CSN3: variants seen among roughly 807,000 people sequenced by gnomAD.
CSN3 encodes kappa-casein.
Under a neutral mutation model 9.9 loss-of-function variants are expected in CSN3, and 7 were observed. The ratio of observed to expected loss-of-function variants is 0.71; its 90% CI spans 0.40 to 1.33. The LOEUF (loss-of-function observed/expected upper bound fraction) is 1.33, where lower values mean the gene tolerates loss of function less well. CSN3 is among the 40% of genes most tolerant of loss of function. The pLI, the probability that CSN3 is intolerant of heterozygous loss-of-function variation, is 0.01. For missense variants in CSN3, 253 were observed against 227.9 expected, an observed-to-expected ratio of 1.11 and a Z score of -0.71; for synonymous variants, 88 against 82.3, an observed-to-expected ratio of 1.07 and a Z score of -0.37.
At chr4:70,249,268 A>G in exon 4 of CSN3, 1 of 1,614,104 alleles carries the variant, frequency 6.2e-7, no homozygotes, top group Non-Finnish European at 8.5e-7. Context: ...ATTTATTGCC[A>G]TCCCCCCAAA....
chr4:70,244,855 A>C, exon 2 of CSN3: 1 of 1,569,876 alleles, frequency 6.4e-7, no homozygotes, highest in Non-Finnish European at 8.6e-7. Flanking sequence ...ATGCCCTGGC[A>C]TTAACCCTGC....
chr4:70,247,696 T>A lies in CSN3; in HGVS notation c.55-122T>A. 5 of 852,390 alleles carry A rather than the reference T, an allele frequency of 5.9e-6. No individual in the cohort carries two copies. The South Asian group carries it at 8.6e-5, about 15-fold the overall frequency. 52.8% of individuals were successfully genotyped at this position (852,390 alleles called of 1,614,324 possible). ...CTCATAGATCACTCATGAAAAATGT[T>A]TTAAAAAATAAAAAGAAAACATATT... On this transcript the variant is annotated intron_variant, in intron 2 of 4. Coordinates refer to ENST00000304954, the Ensembl canonical transcript of CSN3.
chr4:70,243,509 T>G (rs1232409259), intron 1 of CSN3, among the ~76,000 whole-genome samples: 1 of 152,068 alleles, frequency 6.6e-6, no homozygotes, highest in Non-Finnish European at 1.5e-5. Flanking sequence ...GCCTTCCTAA[T>G]CATTATTGCC....
chr4:70,242,973 C>T (rs1444721060), intron 1 of CSN3, among the ~76,000 whole-genome samples: 1 of 152,092 alleles, frequency 6.6e-6, no homozygotes, highest in Non-Finnish European at 1.5e-5. Context: ...TGAGAGTTAA[C>T]TCCACAGGAA....
upstream of CSN3, among the ~76,000 whole-genome samples, chr4:70,239,319 C>G (rs1730228535): frequency 6.6e-6 from 1 of 151,802 alleles, no homozygotes; most frequent in South Asian, 2.1e-4. Flanking sequence ...GAATATCTAA[C>G]AGCTACCACT....
intron 1 of CSN3, among the ~76,000 whole-genome samples, chr4:70,243,836 A>G (rs572798041): frequency 1.7e-4 from 26 of 152,236 alleles, no homozygotes; most frequent in African/African-American, 6.0e-4. Context: ...TTTTAGTCAA[A>G]GCCACTGTAA....
At chr4:70,238,965 T>C (rs151030653), upstream of CSN3, among the ~76,000 whole-genome samples, 2 of 151,944 alleles carry the variant, frequency 1.3e-5, no homozygotes, top group African/African-American at 4.8e-5. Context: ...GATGTCTATT[T>C]TACGTGCAAA....
At chr4:70,244,949 C>A in intron 2 of CSN3, 76 bp downstream of exon 2, 1 of 759,894 alleles carries the variant, frequency 1.3e-6, no homozygotes, top group Non-Finnish European at 2.1e-6. Flanking sequence ...ATGCAAACTT[C>A]TAAATACAAT....
intron 1 of CSN3, 106 bp from the exon 2 acceptor site, chr4:70,244,705 GT>G (rs1292254106): frequency 2.0e-6 from 1 of 506,146 alleles, no homozygotes; most frequent in African/African-American, 2.0e-5. Flanking sequence ...AAATCTACCT[GT>G]AAATCTGGCT....
At chr4:70,246,433 G>A (rs1461525950) in intron 2 of CSN3, among the ~76,000 whole-genome samples, 2 of 151,776 alleles carry the variant, frequency 1.3e-5, no homozygotes, top group African/African-American at 2.4e-5. Context: ...AATAGATAAC[G>A]ATAAGAAATA....
upstream of CSN3, among the ~76,000 whole-genome samples, chr4:70,239,880 A>G (rs1009011430): frequency 5.9e-5 from 9 of 152,008 alleles, no homozygotes; most frequent in African/African-American, 2.2e-4. Context: ...TACATATAGC[A>G]AAGACTTTTG....
At chr4:70,242,981 G>A (rs924880750) in intron 1 of CSN3, among the ~76,000 whole-genome samples, 21 of 152,196 alleles carry the variant, frequency 1.4e-4, no homozygotes, top group African/African-American at 5.1e-4. Flanking sequence ...AACTCCACAG[G>A]AAGTTGGGCT....
chr4:70,243,703 A>G (rs1730316284), intron 1 of CSN3, among the ~76,000 whole-genome samples: 1 of 152,118 alleles, frequency 6.6e-6, no homozygotes, highest in Non-Finnish European at 1.5e-5. Flanking sequence ...ATACTTAAAT[A>G]TAAAAAGTTT....
exon 4 of CSN3, chr4:70,249,132 A>G (rs770034683): frequency 6.2e-7 from 1 of 1,613,998 alleles, no homozygotes; most frequent in Non-Finnish European, 8.5e-7. Flanking sequence ...TTAATAATCC[A>G]TATGTGCCTC....
At chr4:70,238,890 G>T (rs914199530), upstream of CSN3, among the ~76,000 whole-genome samples, 1 of 151,816 alleles carries the variant, frequency 6.6e-6, no homozygotes, top group African/African-American at 2.4e-5. Flanking sequence ...GACTAGTGGA[G>T]AACTAGTCGT....
At position 70,249,727 on chromosome 4, in the gene CSN3, A is replaced by G. The variant is rs116485404; in HGVS notation, c.*34+234A>G. Among the ~76,000 whole-genome samples, 1,051 of 152,310 alleles carry G rather than the reference A, an allele frequency of 6.9e-3. 10 individuals are homozygous for G. Among genetic ancestry groups the G allele is most frequent in the African/African-American group, 0.024 (1,002 of 41,576 alleles). ...CAAAGTGAAAATAATTGGCAACTTC[A>G]TTATCAAACTTTTTTCTGACAATTG... On this transcript the variant is annotated intron_variant, in intron 4 of 4. Coordinates refer to ENST00000304954, the Ensembl canonical transcript of CSN3.
At chr4:70,244,365 G>C (rs576756414) in intron 1 of CSN3, among the ~76,000 whole-genome samples, 1 of 152,062 alleles carries the variant, frequency 6.6e-6, no homozygotes, top group African/African-American at 2.4e-5. Context: ...ATACTGCATA[G>C]GCAAGCCTCA....
At chr4:70,247,401 G>A (rs770633463) in intron 2 of CSN3, among the ~76,000 whole-genome samples, 17 of 152,110 alleles carry the variant, frequency 1.1e-4, no homozygotes, top group Middle Eastern at 3.2e-3. Flanking sequence ...TAAACCTTAT[G>A]AATCATCTTA....
chr4:70,250,453 A>G (rs1730461203), intron 4 of CSN3, among the ~76,000 whole-genome samples: 1 of 151,980 alleles, frequency 6.6e-6, no homozygotes, highest in East Asian at 1.9e-4. Flanking sequence ...CTGAACTTTT[A>G]TTTTCTCATA....
Sources: allele counts gnomAD v4.1 joint callset (sites outside exome capture counted in the v4.1 genomes callset), GRCh38; gene constraint gnomAD v4.1.1; transcripts MANE v1.5; gene names NCBI Gene and HGNC (gene_info 2026-07-23, HGNC 2026-07-21).